The following SOX6 variants were observed in gnomAD, a reference collection of about 807,000 sequenced individuals.
SOX6 encodes the protein SRY-box transcription factor 6.
Under a neutral mutation model 97.8 loss-of-function variants are expected in SOX6, and 11 were observed. The ratio of observed to expected loss-of-function variants is 0.11; its 90% CI spans 0.07 to 0.19. SOX6 has a LOEUF of 0.19. SOX6 is among the 10% of genes least tolerant of loss of function. The pLI is 1.00. For synonymous variants in SOX6, 360 were observed against 371.4 expected, an observed-to-expected ratio of 0.97 and a Z score of 0.35; for missense variants, 810 against 1,039.5, an observed-to-expected ratio of 0.78 and a Z score of 3.04.
intron 9 of SOX6, among the ~76,000 whole-genome samples, chr11:16,093,579 T>C (rs1320667922): frequency 6.6e-6 from 1 of 151,930 alleles, no homozygotes; most frequent in Non-Finnish European, 1.5e-5. Flanking sequence ...GAGAACACCA[T>C]TTCTGAGTAA....
At chr11:16,089,384 T>C (rs1055838210) in intron 9 of SOX6, among the ~76,000 whole-genome samples, 17 of 152,130 alleles carry the variant, frequency 1.1e-4, no homozygotes, top group African/African-American at 3.4e-4. Context: ...TAGGAACATA[T>C]ATAATGATTT....
chr11:16,603,840 A>G (rs1319640640), intron 4 of SOX6, among the ~76,000 whole-genome samples: 3 of 152,190 alleles, frequency 2.0e-5, no homozygotes, highest in African/African-American at 7.2e-5. Flanking sequence ...AAAAAATCCA[A>G]GACAAGGCTA....
At chr11:16,004,245 T>C (rs944067002) in intron 13 of SOX6, among the ~76,000 whole-genome samples, 1 of 151,968 alleles carries the variant, frequency 6.6e-6, no homozygotes, top group Non-Finnish European at 1.5e-5. Context: ...AGAGATTAAA[T>C]TGTCCAAGTC....
chr11:16,173,626 A>G (rs2134087367), intron 6 of SOX6, among the ~76,000 whole-genome samples: 1 of 150,062 alleles, frequency 6.7e-6, no homozygotes, highest in South Asian at 2.1e-4. Flanking sequence ...TTTTTAAAGA[A>G]ACTACTAGAC....
chr11:16,526,905 T>C (rs1312869685), intron 4 of SOX6, among the ~76,000 whole-genome samples: 1 of 152,066 alleles, frequency 6.6e-6, no homozygotes, highest in African/African-American at 2.4e-5. Flanking sequence ...TCCCCGGACA[T>C]CTTCTAAGAT....
intron 4 of SOX6, among the ~76,000 whole-genome samples, chr11:16,500,122 G>A (rs1452110777): frequency 6.6e-6 from 1 of 152,088 alleles, no homozygotes; most frequent in Non-Finnish European, 1.5e-5. Flanking sequence ...ATGATCAAGT[G>A]GGCTTCATCC....
intron 9 of SOX6, among the ~76,000 whole-genome samples, chr11:16,065,197 A>C (rs1185648082): frequency 6.6e-6 from 1 of 152,138 alleles, no homozygotes; most frequent in South Asian, 2.1e-4. Flanking sequence ...ACATGTAAAA[A>C]TCAATAGCAT....
At chr11:16,163,764 A>G (rs1850815313) in intron 6 of SOX6, among the ~76,000 whole-genome samples, 1 of 152,248 alleles carries the variant, frequency 6.6e-6, no homozygotes, top group Admixed American at 6.5e-5. Context: ...TGGCAATCCA[A>G]GCAAGATAGC....
intron 12 of SOX6, among the ~76,000 whole-genome samples, 186 bp downstream of exon 12, chr11:16,046,328 C>T (rs984501456): frequency 2.6e-5 from 4 of 152,102 alleles, no homozygotes; most frequent in South Asian, 2.1e-4. Flanking sequence ...TGGGAAAGGG[C>T]GTATTTGTTA....
chr11:16,705,197 G>A (rs1397384764), intron 3 of SOX6, among the ~76,000 whole-genome samples: 2 of 151,568 alleles, frequency 1.3e-5, no homozygotes, highest in Non-Finnish European at 2.9e-5. Flanking sequence ...GGTGGAGGTT[G>A]CAATGAGCCA....
At position 16,023,584 on chromosome 11, in the gene SOX6, C is replaced by T. The variant is rs115617576; in HGVS notation, c.1624-8534G>A. Among the ~76,000 whole-genome samples, 1,211 of 152,142 alleles carry T rather than the reference C, an allele frequency of 8.0e-3. 18 individuals are homozygous for T. The highest frequency in any genetic ancestry group is 0.027 in the African/African-American group (1,119 of 41,502). On this transcript the variant is annotated intron_variant, in intron 12 of 15. Coordinates refer to ENST00000683767, the MANE Select transcript of SOX6 (RefSeq NM_001367873.1). ...CCAGAGCTGTGATACAGAAAATCTG[C>T]CTTATTATTATCACTAGAAAGGGCT...
At chr11:16,131,888 A>G (rs1026976612) in intron 6 of SOX6, among the ~76,000 whole-genome samples, 24 of 152,080 alleles carry the variant, frequency 1.6e-4, no homozygotes, top group Non-Finnish European at 2.8e-4. Context: ...AGTGATATCA[A>G]TGAATAGGCC....
At chr11:16,595,433 C>T (rs1589999671) in intron 4 of SOX6, among the ~76,000 whole-genome samples, 1 of 151,978 alleles carries the variant, frequency 6.6e-6, no homozygotes, top group East Asian at 1.9e-4. Flanking sequence ...TGAAAGAAGG[C>T]CTGCTGGCTC....
intron 13 of SOX6, among the ~76,000 whole-genome samples, chr11:16,003,231 C>T (rs1590122084): frequency 6.6e-6 from 1 of 151,896 alleles, no homozygotes; most frequent in Non-Finnish European, 1.5e-5. Context: ...TTTTTTGTGT[C>T]ATAACACTGA....
chr11:16,448,857 T>A (rs1000050804), intron 1 of SOX6, among the ~76,000 whole-genome samples: 2 of 152,068 alleles, frequency 1.3e-5, no homozygotes, highest in African/African-American at 2.4e-5. Context: ...CATAGTAAGA[T>A]CCTGTCTTTA....
At chr11:16,076,359 A>G (rs141071891) in intron 9 of SOX6, among the ~76,000 whole-genome samples, 18 of 152,006 alleles carry the variant, frequency 1.2e-4, no homozygotes, top group Admixed American at 4.6e-4. Context: ...TATACATCTG[A>G]AAAAGGTCTA....
At chr11:16,564,924 T>A (rs1328842692) in intron 4 of SOX6, among the ~76,000 whole-genome samples, 1 of 150,648 alleles carries the variant, frequency 6.6e-6, no homozygotes, top group African/African-American at 2.4e-5. Context: ...GAGAGCAAAA[T>A]TAACCCAAAG....
At chr11:16,437,881 G>T (rs1306936291) in intron 1 of SOX6, among the ~76,000 whole-genome samples, 1 of 152,214 alleles carries the variant, frequency 6.6e-6, no homozygotes. Flanking sequence ...TTAGTACAGT[G>T]TCTGGTATAT....
At chr11:16,083,929 G>T (rs1201159441) in intron 9 of SOX6, among the ~76,000 whole-genome samples, 1 of 152,124 alleles carries the variant, frequency 6.6e-6, no homozygotes, top group South Asian at 2.1e-4. Flanking sequence ...AGCCTCTGAA[G>T]ACCTTTCTAG....
Sources: gnomAD v4.1 joint callset for allele counts (sites outside exome capture counted in the v4.1 genomes callset) on GRCh38, gnomAD v4.1.1 for gene constraint, MANE v1.5 for transcripts, NCBI Gene and HGNC (gene_info 2026-07-23, HGNC 2026-07-21) for gene names.